Variants in SLC35F3 observed in about 807,000 individuals in gnomAD.
SLC35F3 encodes the protein putative thiamine transporter SLC35F3.
Under a neutral mutation model 49.9 loss-of-function variants are expected in SLC35F3, and 25 were observed. That is an observed-to-expected ratio of 0.50 (90% CI 0.37 to 0.70). SLC35F3 has a LOEUF of 0.70. Ranked by LOEUF, SLC35F3 falls within the 30% of genes least tolerant of loss-of-function variation. The pLI, the probability that SLC35F3 is intolerant of heterozygous loss-of-function variation, is 0.00. For synonymous variants in SLC35F3, 275 were observed against 265.4 expected (o/e 1.04, Z -0.35); for missense variants, 525 against 639.8 (o/e 0.82, Z 1.94).
chr1:234,196,944 G>GAA (rs996241608), intron 2 of SLC35F3, among the ~76,000 whole-genome samples: 2 of 150,508 alleles, frequency 1.3e-5, no homozygotes, highest in Admixed American at 6.6e-5. Flanking sequence ...TCCATATTGG[G>GAA]AAAAAAAAAG....
At chr1:233,955,759 C>T (rs1185684059) in intron 2 of SLC35F3, among the ~76,000 whole-genome samples, 4 of 139,806 alleles carry the variant, frequency 2.9e-5, no homozygotes, top group South Asian at 4.8e-4. Context: ...GAAAATCTCA[C>T]GAACTGTTTT....
chr1:234,008,812 T>G (rs1186859132), intron 2 of SLC35F3, among the ~76,000 whole-genome samples: 1 of 152,200 alleles, frequency 6.6e-6, no homozygotes, highest in African/African-American at 2.4e-5. Flanking sequence ...GTCATGACTG[T>G]TCTTGGTAGT....
At chr1:233,977,019 C>A (rs991039873) in intron 2 of SLC35F3, among the ~76,000 whole-genome samples, 20 of 152,324 alleles carry the variant, frequency 1.3e-4, no homozygotes, top group African/African-American at 4.3e-4. Context: ...CTCTGGGAGA[C>A]CTTTCTCAAA....
At chr1:233,953,792 GA>G (rs1417500367) in intron 2 of SLC35F3, among the ~76,000 whole-genome samples, 2 of 152,016 alleles carry the variant, frequency 1.3e-5, no homozygotes, top group Admixed American at 6.5e-5. Flanking sequence ...AATGGGAGGG[GA>G]AAAAAGACCT....
chr1:234,229,091 A>G (rs781627083), intron 2 of SLC35F3, among the ~76,000 whole-genome samples: 1 of 152,210 alleles, frequency 6.6e-6, no homozygotes, highest in South Asian at 2.1e-4. Flanking sequence ...AGTCCCTACC[A>G]CAGGCGTTAC....
In SLC35F3 at chr1:234,275,575, T is replaced by G. The variant is rs79776758; in HGVS notation, c.609-33526T>G. ...GGTGGGTTGGCTTGTAGGTAGGTAGTTAGGTAGGTAGATAGACAGACAGAC... is the reference window on the plus strand; with the variant it reads ...GGTGGGTTGGCTTGTAGGTAGGTAGGTAGGTAGGTAGATAGACAGACAGAC... On this transcript the variant is annotated intron_variant, in intron 3 of 7. Coordinates refer to ENST00000366618, the MANE Select transcript of SLC35F3 (RefSeq NM_173508.4). 3.5e-3 allele frequency among the ~76,000 whole-genome samples: 469 copies of G among 134,644 alleles called. 3 individuals are homozygous for G. Among genetic ancestry groups the G allele is most frequent in the African/African-American group, 0.013 (433 of 34,254 alleles). 88.3% of individuals were successfully genotyped at this position (134,644 alleles called of 152,430 possible). A position where few individuals can be genotyped will look rare whatever the true frequency, so the allele number is the denominator to read the frequency against.
At chr1:233,996,162 A>G (rs1572013115) in intron 2 of SLC35F3, among the ~76,000 whole-genome samples, 2 of 152,122 alleles carry the variant, frequency 1.3e-5, no homozygotes, top group East Asian at 3.9e-4. Flanking sequence ...TCAGGAAAAA[A>G]CGGTTAATTG....
At chr1:233,995,118 A>G (rs1021465167) in intron 2 of SLC35F3, among the ~76,000 whole-genome samples, 3 of 152,258 alleles carry the variant, frequency 2.0e-5, no homozygotes, top group Non-Finnish European at 4.4e-5. Context: ...ATAAATGTCC[A>G]ATAAATGTTA....
intron 2 of SLC35F3, among the ~76,000 whole-genome samples, chr1:233,996,334 A>G (rs1267914416): frequency 1.3e-5 from 2 of 152,172 alleles, no homozygotes; most frequent in East Asian, 1.9e-4. Flanking sequence ...TGCAAACACC[A>G]TGCTACTTAT....
At chr1:234,267,705 G>A (rs1204258050) in intron 3 of SLC35F3, among the ~76,000 whole-genome samples, 4 of 151,236 alleles carry the variant, frequency 2.6e-5, no homozygotes, top group Non-Finnish European at 5.9e-5. Flanking sequence ...CAGACGGGGT[G>A]GCTGCCGGAC....
chr1:234,059,130 C>A (rs140020327), intron 2 of SLC35F3, among the ~76,000 whole-genome samples: 1 of 151,592 alleles, frequency 6.6e-6, no homozygotes, highest in Non-Finnish European at 1.5e-5. Context: ...AATAGCTTTT[C>A]GTTTCATCCA....
chr1:234,057,225 A>G (rs1191559464), intron 2 of SLC35F3, among the ~76,000 whole-genome samples: 1 of 152,204 alleles, frequency 6.6e-6, no homozygotes, highest in Admixed American at 6.5e-5. Context: ...TAGGAATTGC[A>G]CTGACTAGGT....
chr1:234,150,264 A>T (rs1666057768), intron 2 of SLC35F3, among the ~76,000 whole-genome samples: 1 of 152,300 alleles, frequency 6.6e-6, no homozygotes, highest in African/African-American at 2.4e-5. Flanking sequence ...TAAATAAAGC[A>T]ACCAATTTCC....
chr1:234,056,499 C>T (rs1301155213), intron 2 of SLC35F3, among the ~76,000 whole-genome samples: 2 of 152,154 alleles, frequency 1.3e-5, no homozygotes, highest in Admixed American at 6.5e-5. Context: ...AAAAGACATA[C>T]CATACCCCTA....
chr1:234,140,024 A>G (rs895239429), intron 2 of SLC35F3, among the ~76,000 whole-genome samples: 8 of 118,194 alleles, frequency 6.8e-5, no homozygotes. Context: ...GAACACAAGT[A>G]CTGAGATACT....
At chr1:234,210,780 A>G (rs1179521390) in intron 2 of SLC35F3, among the ~76,000 whole-genome samples, 1 of 152,268 alleles carries the variant, frequency 6.6e-6, no homozygotes, top group African/African-American at 2.4e-5. Flanking sequence ...CCTCAATGCA[A>G]TAGAAAGGAA....
chr1:234,273,871 G>T (rs1668152924), intron 3 of SLC35F3, among the ~76,000 whole-genome samples: 1 of 152,166 alleles, frequency 6.6e-6, no homozygotes. Context: ...GAGGCATCCA[G>T]ATGAAGCAAA....
intron 2 of SLC35F3, among the ~76,000 whole-genome samples, chr1:233,915,053 G>A (rs1290667656): frequency 6.6e-6 from 1 of 152,244 alleles, no homozygotes; most frequent in Non-Finnish European, 1.5e-5. Context: ...GCTACAGGCT[G>A]TTTTGAACTC....
At chr1:234,075,529 A>G (rs915752556) in intron 2 of SLC35F3, among the ~76,000 whole-genome samples, 2 of 152,276 alleles carry the variant, frequency 1.3e-5, no homozygotes, top group African/African-American at 2.4e-5. Context: ...AGAAGATTCC[A>G]GATAAAATGT....
Sources: gnomAD v4.1 joint callset for allele counts (sites outside exome capture counted in the v4.1 genomes callset) on GRCh38, gnomAD v4.1.1 for gene constraint, MANE v1.5 for transcripts, NCBI Gene and HGNC (gene_info 2026-07-23, HGNC 2026-07-21) for gene names.